Variants in RSRP1 observed in about 807,000 individuals in gnomAD.
RSRP1 encodes the protein arginine and serine rich protein 1.
In RSRP1, 37 loss-of-function variants were observed where a neutral mutation model predicts 33.0. The ratio of observed to expected loss-of-function variants is 1.12; its 90% CI spans 0.86 to 1.48. RSRP1 has a LOEUF of 1.48. Ranked by LOEUF, RSRP1 falls within the 40% of genes most tolerant of loss-of-function variation. RSRP1 has a pLI of 0.00. For synonymous variants in RSRP1, 167 were observed against 158.7 expected (o/e 1.05, Z -0.40); for missense variants, 402 against 385.3 (o/e 1.04, Z -0.36).
At position 25,270,331 on chromosome 1, in the gene RSRP1, T is replaced by C. The variant is rs539660462; in HGVS notation, c.-66-23302A>G. On this transcript the variant is annotated intron_variant, in intron 1 of 1. Coordinates refer to the RSRP1 transcript ENST00000561867. ...GGCTGGGGGTCCCCAACCCCCAGGC[T>C]GTGGCCCGTTAGGAACCTGACCGCA... is the stretch of plus-strand genomic sequence containing the variant. 8.2e-4 allele frequency among the ~76,000 whole-genome samples: 107 copies of C among 130,010 alleles called. 10 individuals carry two copies. The highest frequency in any genetic ancestry group is 2.7e-3 in the African/African-American group (101 of 37,626). The allele number at this position is 130,010 out of a possible 152,430, so 85.3% of individuals were successfully genotyped here. A position where few individuals can be genotyped will look rare whatever the true frequency, so the allele number is the denominator to read the frequency against.
intron 1 of RSRP1, among the ~76,000 whole-genome samples, chr1:25,271,773 G>A (rs1640530611): frequency 7.6e-6 from 1 of 131,480 alleles, no homozygotes; most frequent in African/African-American, 2.6e-5. Context: ...CAAATGCACT[G>A]TAGTGCCCCA....
chr1:25,291,792 G>C lies in RSRP1; in HGVS notation c.-66-44763C>G, dbSNP rs1299973473. On this transcript the variant is annotated intron_variant, in intron 1 of 1. Coordinates refer to the RSRP1 transcript ENST00000561867. Reference sequence around the variant, plus strand: ...GTCTAAATTTGAAGGCAGCTGTGAAGGTAAGGCCAATCCAAATGGCTCTCC... The same window carrying C: ...GTCTAAATTTGAAGGCAGCTGTGAACGTAAGGCCAATCCAAATGGCTCTCC... Among the ~76,000 whole-genome samples the C allele has an allele frequency of 4.5e-5, 6 of 132,526 alleles. 2 individuals carry two copies. Among genetic ancestry groups the C allele is most frequent in the African/African-American group, 1.5e-4 (6 of 38,882 alleles). The allele number at this position is 132,526 out of a possible 152,430, so 86.9% of individuals were successfully genotyped here.
chr1:25,306,769 C>A lies in RSRP1; in HGVS notation c.-67+31209G>T. ...TTACCCCCCATCCCCTTAACACTCC[C>A]CTCCAACTCAGGAAGAAATGTGTGC... is the stretch of plus-strand genomic sequence containing the variant. On this transcript the variant is annotated intron_variant, in intron 1 of 1. Transcript: ENST00000561867. 7 of 1,366,982 alleles carry A rather than the reference C, an allele frequency of 5.1e-6. 2 individuals carry two copies. Among genetic ancestry groups the A allele is most frequent in the Non-Finnish European group, 7.2e-6 (7 of 969,950 alleles). 84.7% of individuals were successfully genotyped at this position (1,366,982 alleles called of 1,614,324 possible). A position where few individuals can be genotyped will look rare whatever the true frequency, so the allele number is the denominator to read the frequency against.
chr1:25,282,538 T>G (rs1336460059), intron 1 of RSRP1, among the ~76,000 whole-genome samples: 1 of 132,242 alleles, frequency 7.6e-6, no homozygotes, highest in African/African-American at 2.6e-5. Flanking sequence ...GGTGGCAATT[T>G]AGTGAGGTTT....
chr1:25,247,137 G>C (rs1639518762), intron 1 of RSRP1, 108 bp from the exon 2 acceptor site: 1 of 669,700 alleles, frequency 1.5e-6, no homozygotes, highest in Non-Finnish European at 2.3e-6. Context: ...GGCGCGGGCG[G>C]CGACCGCCGC....
At chr1:25,299,957 C>G (rs966944533) in intron 1 of RSRP1, among the ~76,000 whole-genome samples, 1 of 130,666 alleles carries the variant, frequency 7.7e-6, no homozygotes, top group African/African-American at 2.6e-5. Context: ...GCCATGTTGG[C>G]CAGGCTGGTA....
At chr1:25,286,071 A>G (rs1641960587) in intron 1 of RSRP1, among the ~76,000 whole-genome samples, 1 of 135,526 alleles carries the variant, frequency 7.4e-6, no homozygotes, top group African/African-American at 2.5e-5. Flanking sequence ...TAAGTGGTGG[A>G]GATGGCTCCA....
At chr1:25,260,825 T>C (rs1156926771) in intron 1 of RSRP1, among the ~76,000 whole-genome samples, 1 of 149,898 alleles carries the variant, frequency 6.7e-6, no homozygotes, top group Admixed American at 6.7e-5. Context: ...TGAGACAGAG[T>C]CTCGCTCTAT....
chr1:25,244,985 T>C, intron 3 of RSRP1, 165 bp downstream of exon 3: 1 of 1,496,476 alleles, frequency 6.7e-7, no homozygotes, highest in Non-Finnish European at 8.9e-7. Context: ...AATCTCCCAT[T>C]TTCATGGGTT....
In RSRP1 at chr1:25,321,262, G is replaced by A. The variant is rs1261726550; in HGVS notation, c.-67+16716C>T. Among the ~76,000 whole-genome samples, 3 of 125,544 alleles carry A rather than the reference G, an allele frequency of 2.4e-5. 1 individual carries two copies. Among genetic ancestry groups the A allele is most frequent in the African/African-American group, 8.1e-5 (3 of 37,114 alleles). 82.4% of individuals were successfully genotyped at this position (125,544 alleles called of 152,430 possible). On this transcript the variant is annotated intron_variant, in intron 1 of 1. Coordinates refer to the RSRP1 transcript ENST00000561867. ...TGTCTTACATGGATCAGCTTTCGTG[G>A]GGCCCTTTTACTCCATCTGGGGAAG...
chr1:25,323,528 G>A (rs1644826114), intron 1 of RSRP1, among the ~76,000 whole-genome samples: 1 of 127,138 alleles, frequency 7.9e-6, no homozygotes, highest in Non-Finnish European at 1.8e-5. Context: ...GCACCATCAT[G>A]GCTCACTGTA....
intron 1 of RSRP1, among the ~76,000 whole-genome samples, chr1:25,331,564 A>T (rs187597169): frequency 1.7e-4 from 13 of 74,334 alleles, no homozygotes; most frequent in South Asian, 4.2e-4. Flanking sequence ...GAAAAATGTG[A>T]TTTTTTTTTT....
At chr1:25,332,041 A>AT (rs1270998323) in intron 1 of RSRP1, among the ~76,000 whole-genome samples, 3,075 of 94,782 alleles carry the variant, frequency 0.032, 298 homozygotes, top group African/African-American at 0.088. Context: ...CGCCCAGCAG[A>AT]TTTTTTTTTT....
rs142904530 is a variant in RSRP1, at chr1:25,290,689, T to C, written c.-66-43660A>G. On this transcript the variant is annotated intron_variant, in intron 1 of 1. Coordinates refer to the RSRP1 transcript ENST00000561867. The stretch of plus-strand genomic sequence containing the variant: ...CTTTGTCGGTGCTGATCTCAGTGGA[T>C]GCTGTCTTGGGGAAGGTCAACTTGG... 3.6e-5 allele frequency: 49 copies of C among 1,378,366 alleles called. 5 individuals carry two copies. The African/African-American group carries it at 6.2e-4, about 17-fold the overall frequency. The allele number at this position is 1,378,366 out of a possible 1,614,324, so 85.4% of individuals were successfully genotyped here.
intron 1 of RSRP1, among the ~76,000 whole-genome samples, chr1:25,264,277 G>A (rs943041612): frequency 1.5e-4 from 23 of 152,022 alleles, no homozygotes; most frequent in Non-Finnish European, 2.9e-4. Flanking sequence ...CCTGGCAGAG[G>A]ATCTCCATGA....
chr1:25,243,515 C>A, intron 4 of RSRP1, 35 bp downstream of exon 4: 1 of 1,603,238 alleles, frequency 6.2e-7, no homozygotes, highest in Non-Finnish European at 8.5e-7. Context: ...ATCCTAAATC[C>A]AATTTTTGAG....
chr1:25,291,093 C>A (rs1642460727), intron 1 of RSRP1, among the ~76,000 whole-genome samples: 1 of 129,796 alleles, frequency 7.7e-6, no homozygotes, highest in African/African-American at 2.6e-5. Context: ...GAGTTAGGGA[C>A]CGAGCTGGGC....
At chr1:25,249,314 T>G (rs1639699347), upstream of RSRP1, among the ~76,000 whole-genome samples, 1 of 152,140 alleles carries the variant, frequency 6.6e-6, no homozygotes, top group African/African-American at 2.4e-5. Flanking sequence ...AGTCAATGTG[T>G]GCCTAAAAAA....
chr1:25,268,949 A>T lies in RSRP1; in HGVS notation c.-66-21920T>A, dbSNP rs1571550921. Among the ~76,000 whole-genome samples, 12 of 70,444 alleles carry T rather than the reference A, an allele frequency of 1.7e-4. 3 individuals carry two copies. The Admixed American group carries it at 1.9e-3, about 11-fold the overall frequency. 46.2% of individuals were successfully genotyped at this position (70,444 alleles called of 152,430 possible). On this transcript the variant is annotated intron_variant, in intron 1 of 1. Coordinates refer to the RSRP1 transcript ENST00000561867. ...GGCAACAAGAGCAAAACTTCATCTC[A>T]AAAAAAAAAAAAAAAATAGGGCAGT...
Sources: gnomAD v4.1 joint callset for allele counts (sites outside exome capture counted in the v4.1 genomes callset) on GRCh38, gnomAD v4.1.1 for gene constraint, MANE v1.5 for transcripts, NCBI Gene and HGNC (gene_info 2026-07-23, HGNC 2026-07-21) for gene names.